ASCC1: variants seen among roughly 807,000 people sequenced by gnomAD.
ASCC1 encodes activating signal cointegrator 1 complex subunit 1.
In ASCC1, 35 loss-of-function variants were observed where a neutral mutation model predicts 46.6. The ratio of observed to expected loss-of-function variants is 0.75; its 90% confidence interval spans 0.57 to 0.99. The LOEUF is 0.99. ASCC1 is among the 50% of genes least tolerant of loss of function. The pLI is 0.00. For synonymous variants in ASCC1, 143 were observed against 146.6 expected (o/e 0.98, Z 0.18); for missense variants, 376 against 428.7 (o/e 0.88, Z 1.09).
At chr10:72,161,074 T>G (rs113705764) in intron 6 of ASCC1, among the ~76,000 whole-genome samples, 19 of 150,830 alleles carry the variant, frequency 1.3e-4, no homozygotes, top group African/African-American at 4.4e-4. Flanking sequence ...CAGAGCAAGA[T>G]TCCATCTCAA....
chr10:72,203,564 G>T, intron 3 of ASCC1, 40 bp from the exon 4 acceptor site: 2 of 1,413,452 alleles, frequency 1.4e-6, no homozygotes, highest in Non-Finnish European at 1.0e-6. Context: ...AAGTCAAAAT[G>T]TACCAAAATA....
intron 5 of ASCC1, among the ~76,000 whole-genome samples, chr10:72,194,032 CG>C (rs1658905460): frequency 2.0e-5 from 3 of 149,980 alleles, no homozygotes; most frequent in South Asian, 4.2e-4. Context: ...TTAGTAGAGA[CG>C]GGGTTTCACC....
At chr10:72,172,571 CCTGGCCTCAAGTGATCCG>C (rs1851258666) in intron 5 of ASCC1, among the ~76,000 whole-genome samples, 1 of 147,770 alleles carries the variant, frequency 6.8e-6, no homozygotes, top group Admixed American at 6.8e-5. Context: ...GTCTTGAACT[CCTGGCCTCAAGTGATCCG>C]CTGGCCTCAG....
intron 5 of ASCC1, among the ~76,000 whole-genome samples, chr10:72,187,094 T>C (rs1564719780): frequency 6.6e-6 from 1 of 152,052 alleles, no homozygotes; most frequent in Non-Finnish European, 1.5e-5. Flanking sequence ...TAGCCCCTAC[T>C]CCCCAAAACA....
chr10:72,164,765 C>T (rs1324388177), intron 5 of ASCC1, among the ~76,000 whole-genome samples: 1 of 152,166 alleles, frequency 6.6e-6, no homozygotes, highest in East Asian at 1.9e-4. Flanking sequence ...TATGAAGGCT[C>T]CTGTTTCCCC....
intron 7 of ASCC1, among the ~76,000 whole-genome samples, chr10:72,148,471 T>C (rs1157810961): frequency 6.6e-6 from 1 of 152,170 alleles, no homozygotes; most frequent in East Asian, 1.9e-4. Flanking sequence ...CCTAGCTGTT[T>C]GGCAGACATT....
At chr10:72,139,139 C>T (rs1460791661) in intron 7 of ASCC1, among the ~76,000 whole-genome samples, 4 of 138,274 alleles carry the variant, frequency 2.9e-5, no homozygotes, top group Non-Finnish European at 4.6e-5. Context: ...TTTGAGACGG[C>T]GTCTCACTCT....
At chr10:72,110,301 C>T (rs1315379781) in intron 9 of ASCC1, among the ~76,000 whole-genome samples, 1 of 152,134 alleles carries the variant, frequency 6.6e-6, no homozygotes, top group Non-Finnish European at 1.5e-5. Flanking sequence ...GAAATGAATC[C>T]TTAGAGGGGA....
chr10:72,154,158 G>A (rs1437903993), intron 6 of ASCC1, among the ~76,000 whole-genome samples: 1 of 152,178 alleles, frequency 6.6e-6, no homozygotes, highest in Non-Finnish European at 1.5e-5. Context: ...ATCAACTTGT[G>A]TAACTGTTGA....
chr10:72,187,810 G>A (rs1246618240), intron 5 of ASCC1, among the ~76,000 whole-genome samples: 1 of 147,974 alleles, frequency 6.8e-6, no homozygotes, highest in Non-Finnish European at 1.5e-5. Context: ...ACTTTTTACA[G>A]TTAGAGGTGG....
rs1043120990 is a variant in ASCC1, at chr10:72,102,936, T to C, written c.958-5486A>G. The C allele has an allele frequency of 1.8e-5, 8 of 443,400 alleles. No homozygotes were observed. The East Asian group carries it at 3.0e-4, about 16-fold the overall frequency. 27.5% of individuals were successfully genotyped at this position (443,400 alleles called of 1,614,324 possible). On this transcript the variant is annotated intron_variant, in intron 9 of 9. Coordinates refer to ENST00000672957, the MANE Select transcript of ASCC1 (RefSeq NM_001198800.3). ...GTTGCAGTGAGCGGAGATTGCATCATTGTACTCCAGCCTGGGCAACAAGGC... is the reference window on the plus strand; with the variant it reads ...GTTGCAGTGAGCGGAGATTGCATCACTGTACTCCAGCCTGGGCAACAAGGC...
rs539664526 is a variant in ASCC1, at chr10:72,160,880, A to G, written c.626+658T>C. Among the ~76,000 whole-genome samples, 325 of 151,748 alleles carry G rather than the reference A, an allele frequency of 2.1e-3. 1 individual carries two copies. Among genetic ancestry groups the G allele is most frequent in the South Asian group, 0.019 (90 of 4,808 alleles). On this transcript the variant is annotated intron_variant, in intron 6 of 9. Coordinates refer to ENST00000672957, the MANE Select transcript of ASCC1 (RefSeq NM_001198800.3). ...GGGCGGATCACAAGGTCAAGAGATCAAGACCATCCTGGCTAAAATGGTGAA... is the reference window on the plus strand; with the variant it reads ...GGGCGGATCACAAGGTCAAGAGATCGAGACCATCCTGGCTAAAATGGTGAA...
chr10:72,182,070 C>T (rs1852710523), intron 5 of ASCC1, among the ~76,000 whole-genome samples: 1 of 152,042 alleles, frequency 6.6e-6, no homozygotes, highest in African/African-American at 2.4e-5. Flanking sequence ...GAAATAATGA[C>T]TGAAAATTAT....
At chr10:72,125,698 A>G (rs1285704737) in intron 9 of ASCC1, among the ~76,000 whole-genome samples, 1 of 152,186 alleles carries the variant, frequency 6.6e-6, no homozygotes, top group Non-Finnish European at 1.5e-5. Context: ...ACATAGGTGA[A>G]AGATTATTTT....
intron 5 of ASCC1, among the ~76,000 whole-genome samples, chr10:72,191,406 C>G (rs1324202246): frequency 6.6e-6 from 1 of 151,462 alleles, no homozygotes; most frequent in Non-Finnish European, 1.5e-5. Context: ...TTTGTCTTTG[C>G]TTTATCTTAT....
chr10:72,105,988 G>A lies in ASCC1; in HGVS notation c.958-8538C>T, dbSNP rs115614981. Among the ~76,000 whole-genome samples, 489 of 152,188 alleles carry A rather than the reference G, an allele frequency of 3.2e-3. 9 individuals carry two copies. The highest frequency in any genetic ancestry group is 0.011 in the African/African-American group (459 of 41,480). On this transcript the variant is annotated intron_variant, in intron 9 of 9. Coordinates refer to ENST00000672957, the MANE Select transcript of ASCC1 (RefSeq NM_001198800.3). ...CCTCGGGCTATAGAACCGAATAAAT[G>A]GCCAGTCCGCAACAGCACAGTGACA...
At chr10:72,110,496 A>T (rs1031355645) in intron 9 of ASCC1, among the ~76,000 whole-genome samples, 5 of 152,244 alleles carry the variant, frequency 3.3e-5, no homozygotes, top group African/African-American at 1.2e-4. Flanking sequence ...CAGAAGTTAA[A>T]GAGCAAATCA....
intron 9 of ASCC1, among the ~76,000 whole-genome samples, chr10:72,109,397 C>T (rs950937226): frequency 2.0e-5 from 3 of 152,160 alleles, no homozygotes; most frequent in Non-Finnish European, 4.4e-5. Flanking sequence ...ATTCCTTGCA[C>T]AGAATGGGAA....
intron 9 of ASCC1, among the ~76,000 whole-genome samples, chr10:72,109,090 CAAT>C (rs1264934642): frequency 6.6e-6 from 1 of 152,046 alleles, no homozygotes; most frequent in Non-Finnish European, 1.5e-5. Flanking sequence ...GTGTGAGAGC[CAAT>C]AATATTATAG....
Sources: gnomAD v4.1 joint callset for allele counts (sites outside exome capture counted in the v4.1 genomes callset) on GRCh38, gnomAD v4.1.1 for gene constraint, MANE v1.5 for transcripts, NCBI Gene and HGNC (gene_info 2026-07-23, HGNC 2026-07-21) for gene names.